Variants in CACFD1 observed in about 807,000 individuals in gnomAD.
The protein encoded by CACFD1 is calcium channel flower homolog.
CACFD1 carries 26 observed loss-of-function variants against 21.3 expected under a neutral mutation model. That is an observed-to-expected ratio of 1.22 (90% CI 0.89 to 1.69). The LOEUF (loss-of-function observed/expected upper bound fraction) is 1.69. Ranked by LOEUF, CACFD1 falls within the 40% of genes most tolerant of loss-of-function variation. The pLI, the probability that CACFD1 is intolerant of heterozygous loss-of-function variation, is 0.00. For missense variants in CACFD1, 265 were observed against 236.2 expected, an observed-to-expected ratio of 1.12 and a Z score of -0.80; for synonymous variants, 121 against 106.6, an observed-to-expected ratio of 1.13 and a Z score of -0.83.
chr9:133,459,997 G>C lies in CACFD1; in HGVS notation c.-70G>C. The C allele has an allele frequency of 3.4e-6, 5 of 1,454,818 alleles. No homozygotes were observed. Among genetic ancestry groups the C allele is most frequent in the Non-Finnish European group, 4.5e-6 (5 of 1,105,552 alleles). The allele number at this position is 1,454,818 out of a possible 1,614,324, so 90.1% of individuals were successfully genotyped here. On this transcript the variant is annotated 5_prime_UTR_variant, in exon 1 of 5. Transcript: ENST00000316948. ...TATGCTCCCTCTCCCACAAGGCAGC[G>C]CGCCGGCTCGGACGCGGCCGGCTAC...
chr9:133,467,311 C>T (rs141429199), intron 3 of CACFD1, among the ~76,000 whole-genome samples: 1 of 152,204 alleles, frequency 6.6e-6, no homozygotes, highest in African/African-American at 2.4e-5. Flanking sequence ...GACCCTGCCA[C>T]CAGGTGACGC....
At chr9:133,462,266 G>A (rs1843251616) in intron 1 of CACFD1, 1 of 1,304,156 alleles carries the variant, frequency 7.7e-7, no homozygotes, top group South Asian at 1.2e-5. Context: ...TCACCCTTTG[G>A]GCACTCTGCT....
chr9:133,468,623 G>A lies in CACFD1; in HGVS notation c.489G>A (p.Lys163=), dbSNP rs1554800149. 6.3e-7 allele frequency: 1 copy of A among 1,587,632 alleles called. No individual in the cohort carries two copies. The highest frequency in any genetic ancestry group is 1.3e-5 in the African/African-American group (1 of 74,898). Reference sequence around the variant, plus strand: ...AGAGGCAGCAGGCGGATGAGGAGAAGCTCGCGGAGACCCTGGAGGGGGAGC... The same window carrying A: ...AGAGGCAGCAGGCGGATGAGGAGAAACTCGCGGAGACCCTGGAGGGGGAGC... The part of the protein sequence containing the change: ...QQQRQQADEE[K]LAETLEGEL The change falls in exon 5 of 5, where the codon AAG becomes AAA. Residue 163 remains lysine, a synonymous_variant. Transcript: ENST00000316948.
chr9:133,460,273 A>G (rs1260977857), intron 1 of CACFD1, 86 bp downstream of exon 1: 7 of 1,267,008 alleles, frequency 5.5e-6, no homozygotes, highest in Non-Finnish European at 7.2e-6. Flanking sequence ...CGGCGGCCCC[A>G]GGGGAAAGGA....
chr9:133,461,023 AGTCT>A (rs10595492), intron 1 of CACFD1, among the ~76,000 whole-genome samples: 53,465 of 151,902 alleles, frequency 0.35, 9,972 homozygotes, highest in East Asian at 0.71. Flanking sequence ...GGGAAAGACA[AGTCT>A]GTCTGAGTGA....
rs1364949324 is a variant in CACFD1, at chr9:133,468,781, C to T, written c.*128C>T. 2.1e-6 allele frequency: 3 copies of T among 1,408,124 alleles called. No individual in the cohort carries two copies. The East Asian group carries it at 7.6e-5, about 36-fold the overall frequency. The allele number at this position is 1,408,124 out of a possible 1,614,324, so 87.2% of individuals were successfully genotyped here. ...TGCACGTGTCCCTACACCTGGAGTC[C>T]TCTGCTCCTTTCTCCAGACTGGCTT... On this transcript the variant is annotated 3_prime_UTR_variant, in exon 5 of 5. Transcript: ENST00000316948.
At chr9:133,466,324 G>A (rs1421640045) in intron 3 of CACFD1, among the ~76,000 whole-genome samples, 3 of 152,190 alleles carry the variant, frequency 2.0e-5, no homozygotes, top group Admixed American at 1.3e-4. Flanking sequence ...AATGTTACTC[G>A]AAGCCCGCTG....
intron 1 of CACFD1, 32 bp downstream of exon 1, chr9:133,460,219 C>T: frequency 1.3e-6 from 2 of 1,504,340 alleles, no homozygotes; most frequent in South Asian, 1.3e-5. Context: ...GGGGCCGGCC[C>T]CGCCGCGCAT....
Position 133,465,512 on chromosome 9 carries a change from C to G in CACFD1, c.320+65C>G. Reference sequence around the variant, plus strand: ...CAAAACCCCACTGACAAAATAGGACCCAAAAGTCAGGTGAGGGTGGGCAGT... The same window carrying G: ...CAAAACCCCACTGACAAAATAGGACGCAAAAGTCAGGTGAGGGTGGGCAGT... On this transcript the variant is annotated intron_variant, in intron 3 of 4. Coordinates refer to ENST00000316948, the MANE Select transcript of CACFD1 (RefSeq NM_017586.5). This position sits in a 1 kb window ranked among gnomAD's most constrained non-coding sequence, Gnocchi z 5.0. 2 of 1,519,254 alleles carry G rather than the reference C, an allele frequency of 1.3e-6. No homozygotes were observed. Among genetic ancestry groups the G allele is most frequent in the Non-Finnish European group, 1.8e-6 (2 of 1,118,006 alleles). The allele number at this position is 1,519,254 out of a possible 1,614,324, so 94.1% of individuals were successfully genotyped here.
At chr9:133,464,694 T>G (rs1461938900) in intron 2 of CACFD1, among the ~76,000 whole-genome samples, 5 of 152,182 alleles carry the variant, frequency 3.3e-5, no homozygotes, top group Non-Finnish European at 5.9e-5. Context: ...ACCAGTGGCT[T>G]AGCTGTTCCC....
Position 133,468,617 on chromosome 9 carries a change from G to C in CACFD1, c.483G>C (p.Glu161Asp), listed in dbSNP as rs782472565. ...AGCAGCAGAGGCAGCAGGCGGATGA[G>C]GAGAAGCTCGCGGAGACCCTGGAGG... ...RIQQQRQQAD[E>D]EKLAETLEGE... is the part of the protein sequence containing the mutation. Residue 161 changes from glutamate (E) to aspartate (D), a missense_variant, in exon 5 of 5, where the codon GAG (glutamate) becomes GAC (aspartate). Physicochemically the swap from Glu to Asp is conservative, Grantham distance 45 (BLOSUM62 2). Coordinates refer to ENST00000316948, the MANE Select transcript of CACFD1 (RefSeq NM_017586.5). 5.7e-6 allele frequency: 9 copies of C among 1,589,724 alleles called. No homozygotes were observed. In the East Asian group the frequency reaches 2.0e-4, roughly 36 times the overall value.
Position 133,460,182 on chromosome 9 carries a change from C to G in CACFD1, c.116C>G (p.Ala39Gly). The change falls in exon 1 of 5, where the codon GCA becomes GGA. Residue 39 changes from alanine (A) to glycine (G), a missense_variant. Physicochemically the swap from Ala to Gly is moderately conservative, Grantham distance 60. Transcript: ENST00000316948. ...TGTCGCCTGTCTGGGGTGCTGGGGG[C>G]AGTCTGTGAGTATCCAGTCGGGGAG... ...WLCRLSGVLG[A>G]VSCAISGLFN... The G allele has an allele frequency of 6.4e-7, 1 of 1,551,216 alleles. No homozygotes were observed.
intron 1 of CACFD1, chr9:133,463,276 G>T (rs377584069): frequency 2.2e-6 from 1 of 447,936 alleles, no homozygotes; most frequent in Non-Finnish European, 3.0e-6. Context: ...CCACCTTGCT[G>T]TGGGGCCTGG....
intron 1 of CACFD1, among the ~76,000 whole-genome samples, chr9:133,461,126 T>C (rs739468): frequency 6.6e-6 from 1 of 152,170 alleles, no homozygotes; most frequent in Non-Finnish European, 1.5e-5. Flanking sequence ...TGTCTGCAGG[T>C]TTTAAACAGT....
chr9:133,462,205 C>G (rs1297090575), intron 1 of CACFD1: 1 of 1,304,144 alleles, frequency 7.7e-7, no homozygotes, highest in African/African-American at 1.5e-5. Context: ...GCAGGAAGCA[C>G]AGCCGAGCTG....
chr9:133,463,620 C>T (rs188415940), intron 2 of CACFD1, 65 bp downstream of exon 2: 53 of 1,547,386 alleles, frequency 3.4e-5, no homozygotes, highest in African/African-American at 1.8e-4. Context: ...GGGCACCTCC[C>T]GGGACAGAGG....
In CACFD1 at chr9:133,460,000, C is replaced by T. The variant is rs1307810152; in HGVS notation, c.-67C>T. On this transcript the variant is annotated 5_prime_UTR_variant, in exon 1 of 5. Transcript: ENST00000316948. ...GCTCCCTCTCCCACAAGGCAGCGCG[C>T]CGGCTCGGACGCGGCCGGCTACCGA... is the stretch of plus-strand genomic sequence containing the variant. 6.8e-7 allele frequency: 1 copy of T among 1,459,884 alleles called. No individual in the cohort carries two copies. Among genetic ancestry groups the T allele is most frequent in the South Asian group, 1.3e-5 (1 of 74,248 alleles). The allele number at this position is 1,459,884 out of a possible 1,614,324, so 90.4% of individuals were successfully genotyped here. A position where few individuals can be genotyped will look rare whatever the true frequency, so the allele number is the denominator to read the frequency against.
Position 133,468,643 on chromosome 9 carries a change from G to C in CACFD1, c.509G>C (p.Gly170Ala). Residue 170 changes from glycine to alanine, a missense_variant, in exon 5 of 5, where the codon GGG becomes GCG. By Grantham distance (60) the Gly-to-Ala change is moderately conservative (BLOSUM62 0). Coordinates refer to ENST00000316948, the MANE Select transcript of CACFD1 (RefSeq NM_017586.5). ...GAGAAGCTCGCGGAGACCCTGGAGG[G>C]GGAGCTGTGAAGGGCTGGGCGCCCC... ...DEEKLAETLE[G>A]EL 1 of 1,577,450 alleles carries C rather than the reference G, an allele frequency of 6.3e-7. No homozygotes were observed. The highest frequency in any genetic ancestry group is 8.6e-7 in the Non-Finnish European group (1 of 1,164,530).
At chr9:133,467,693 C>T (rs1285602631) in intron 3 of CACFD1, among the ~76,000 whole-genome samples, 2 of 152,222 alleles carry the variant, frequency 1.3e-5, no homozygotes, top group Non-Finnish European at 2.9e-5. Flanking sequence ...TCACAGACCC[C>T]TTCAAAAATC....
Sources: gnomAD v4.1 joint callset for allele counts (sites outside exome capture counted in the v4.1 genomes callset) on GRCh38, gnomAD v4.1.1 for gene constraint, Gnocchi (gnomAD v3.1) non-coding constraint, MANE v1.5 for transcripts, NCBI Gene and HGNC (gene_info 2026-07-23, HGNC 2026-07-21) for gene names.